Variants in GALNTL6 observed in about 807,000 individuals in gnomAD.
The protein encoded by GALNTL6 is polypeptide N-acetylgalactosaminyltransferase like 6.
A neutral mutation model predicts 73.7 loss-of-function variants in GALNTL6; 46 were observed. That is an observed-to-expected ratio of 0.62 (90% CI 0.49 to 0.80). The LOEUF is 0.80. Among genes scored for constraint, GALNTL6 ranks in the 30% least tolerant of loss-of-function variants. The pLI, the probability that GALNTL6 is intolerant of heterozygous loss-of-function variation, is 0.00. For missense variants in GALNTL6, 604 were observed against 755.0 expected, an observed-to-expected ratio of 0.80 and a Z score of 2.34; for synonymous variants, 259 against 263.7, an observed-to-expected ratio of 0.98 and a Z score of 0.17.
At chr4:172,976,922 A>G (rs1449765280) in intron 10 of GALNTL6, among the ~76,000 whole-genome samples, 2 of 152,260 alleles carry the variant, frequency 1.3e-5, no homozygotes, top group Non-Finnish European at 2.9e-5. Context: ...ATGAAAACTA[A>G]TACAAGTGTC....
intron 2 of GALNTL6, among the ~76,000 whole-genome samples, chr4:172,046,808 A>G (rs1742234654): frequency 6.6e-6 from 1 of 152,070 alleles, no homozygotes; most frequent in Non-Finnish European, 1.5e-5. Flanking sequence ...ATTTTCTCCC[A>G]ATCTTTAGAT....
rs905077857 is a variant in GALNTL6, at chr4:172,834,235, A to C, written c.923+20512A>C. The stretch of plus-strand genomic sequence containing the variant: ...CTGAGGTATAGAGAAGTGTGGACCC[A>C]CCCTGGGTTACCTCTGGACTGGAAA... On this transcript the variant is annotated intron_variant, in intron 7 of 12. Coordinates refer to ENST00000506823, the MANE Select transcript of GALNTL6 (RefSeq NM_001034845.3). 7.9e-5 allele frequency among the ~76,000 whole-genome samples: 12 copies of C among 152,304 alleles called. No homozygotes were observed. In the South Asian group the frequency reaches 1.9e-3, roughly 24 times the overall value.
At chr4:172,646,814 A>T (rs1270417099) in intron 5 of GALNTL6, among the ~76,000 whole-genome samples, 1 of 152,072 alleles carries the variant, frequency 6.6e-6, no homozygotes, top group African/African-American at 2.4e-5. Context: ...TAACAACATG[A>T]TGTTAATATT....
intron 5 of GALNTL6, among the ~76,000 whole-genome samples, chr4:172,556,744 CAA>C (rs111334750): frequency 4.7e-4 from 56 of 119,594 alleles, no homozygotes; most frequent in Non-Finnish European, 3.8e-4. Flanking sequence ...AGACCCACAC[CAA>C]AAAAAAAAAA....
At chr4:172,993,697 T>C (rs1401327716) in intron 10 of GALNTL6, among the ~76,000 whole-genome samples, 2 of 152,240 alleles carry the variant, frequency 1.3e-5, no homozygotes, top group Admixed American at 1.3e-4. Context: ...CTGTTATCAT[T>C]TTGTTTTGTT....
intron 2 of GALNTL6, among the ~76,000 whole-genome samples, chr4:171,876,363 A>G (rs771714694): frequency 9.9e-5 from 15 of 152,228 alleles, no homozygotes; most frequent in Non-Finnish European, 1.3e-4. Flanking sequence ...GAAATACAGA[A>G]CTATACAAAT....
At chr4:172,112,268 G>A (rs1579150736) in intron 2 of GALNTL6, among the ~76,000 whole-genome samples, 1 of 151,910 alleles carries the variant, frequency 6.6e-6, no homozygotes, top group Admixed American at 6.6e-5. Context: ...TTGTCTGAAT[G>A]TACTAGAGTT....
chr4:172,487,347 T>TTTCC (rs1733724946), intron 5 of GALNTL6, among the ~76,000 whole-genome samples: 1 of 121,236 alleles, frequency 8.2e-6, no homozygotes, highest in Non-Finnish European at 1.9e-5. Flanking sequence ...TCTTTCTTTC[T>TTTCC]TTCTTTCTTT....
chr4:172,706,829 T>C (rs1353964733), intron 5 of GALNTL6, among the ~76,000 whole-genome samples: 1 of 152,198 alleles, frequency 6.6e-6, no homozygotes, highest in Non-Finnish European at 1.5e-5. Context: ...AGTGGTCATG[T>C]ACAGCCTCTC....
At chr4:172,246,922 A>G (rs899787373) in intron 3 of GALNTL6, among the ~76,000 whole-genome samples, 4 of 151,660 alleles carry the variant, frequency 2.6e-5, no homozygotes, top group Admixed American at 6.6e-5. Flanking sequence ...GTTTTTATAT[A>G]CTGCTTTCTT....
At chr4:172,895,071 A>C (rs1746248939) in intron 8 of GALNTL6, among the ~76,000 whole-genome samples, 2 of 151,510 alleles carry the variant, frequency 1.3e-5, no homozygotes, top group Non-Finnish European at 2.9e-5. Flanking sequence ...CACCTTCAGT[A>C]TATGGGTATC....
At chr4:172,310,061 A>G (rs1740295804) in intron 3 of GALNTL6, among the ~76,000 whole-genome samples, 1 of 152,192 alleles carries the variant, frequency 6.6e-6, no homozygotes, top group Admixed American at 6.5e-5. Flanking sequence ...TAAACCGTTC[A>G]TACAGAAAAA....
intron 8 of GALNTL6, among the ~76,000 whole-genome samples, chr4:172,908,074 C>A (rs917095235): frequency 1.4e-4 from 22 of 152,174 alleles, no homozygotes; most frequent in Non-Finnish European, 1.5e-4. Flanking sequence ...GACAGTGTAG[C>A]TAGCATGGAA....
chr4:173,032,877 T>G (rs745697822), intron 12 of GALNTL6, among the ~76,000 whole-genome samples: 8 of 151,958 alleles, frequency 5.3e-5, no homozygotes, highest in African/African-American at 1.5e-4. Flanking sequence ...ATTGTGCACA[T>G]CACTGGACCA....
chr4:172,076,846 G>T (rs951195958), intron 2 of GALNTL6, among the ~76,000 whole-genome samples: 3 of 152,188 alleles, frequency 2.0e-5, no homozygotes, highest in African/African-American at 7.2e-5. Context: ...GTTTGGATTT[G>T]TGTCCCCACC....
intron 7 of GALNTL6, among the ~76,000 whole-genome samples, chr4:172,832,678 C>G (rs1742701924): frequency 6.6e-6 from 1 of 152,174 alleles, no homozygotes; most frequent in Non-Finnish European, 1.5e-5. Context: ...GCCTGAGGAG[C>G]AAGGGGGTCA....
intron 5 of GALNTL6, among the ~76,000 whole-genome samples, chr4:172,364,354 G>A (rs928748092): frequency 6.6e-6 from 1 of 152,070 alleles, no homozygotes; most frequent in African/African-American, 2.4e-5. Context: ...GAATTTTGAG[G>A]TTACAGTGAG....
intron 3 of GALNTL6, among the ~76,000 whole-genome samples, chr4:172,246,337 A>T (rs1033422354): frequency 6.6e-6 from 1 of 152,198 alleles, no homozygotes; most frequent in Non-Finnish European, 1.5e-5. Context: ...GTCATAGATA[A>T]TCATTGGGAT....
At chr4:173,033,418 A>G (rs2126537824) in intron 12 of GALNTL6, among the ~76,000 whole-genome samples, 1 of 152,114 alleles carries the variant, frequency 6.6e-6, no homozygotes, top group Non-Finnish European at 1.5e-5. Flanking sequence ...AAGGGTAGAC[A>G]AAAAGACTGC....
Sources: gnomAD v4.1 joint callset for allele counts (sites outside exome capture counted in the v4.1 genomes callset) on GRCh38, gnomAD v4.1.1 for gene constraint, MANE v1.5 for transcripts, NCBI Gene and HGNC (gene_info 2026-07-23, HGNC 2026-07-21) for gene names.